TRHDE: variants seen among roughly 807,000 people sequenced by gnomAD.
TRHDE encodes thyrotropin releasing hormone degrading enzyme, also known as thyrotropin-releasing hormone-degrading ectoenzyme.
TRHDE carries 72 observed loss-of-function variants against 125.7 expected under a neutral mutation model. The ratio of observed to expected loss-of-function variants is 0.57; its 90% CI spans 0.47 to 0.70. TRHDE has a LOEUF of 0.70. Among genes scored for constraint, TRHDE ranks in the 30% least tolerant of loss-of-function variants. TRHDE has a pLI of 0.00. For missense variants in TRHDE, 1,110 were observed against 1,327.1 expected (o/e 0.84, Z 2.54); for synonymous variants, 509 against 509.1 (o/e 1.00, Z 0.00).
At chr12:72,166,627 G>T (rs775001944) in intron 2 of TRHDE, among the ~76,000 whole-genome samples, 4 of 152,246 alleles carry the variant, frequency 2.6e-5, no homozygotes, top group Non-Finnish European at 5.9e-5. Flanking sequence ...GGCTTGTGCA[G>T]GTTCCTCTGA....
intron 2 of TRHDE, among the ~76,000 whole-genome samples, chr12:72,145,082 T>A (rs1463011324): frequency 6.6e-6 from 1 of 152,132 alleles, no homozygotes; most frequent in East Asian, 1.9e-4. Flanking sequence ...AGAGAAGCCA[T>A]CACCCTAGCT....
chr12:72,411,045 A>G (rs377095083), intron 3 of TRHDE, among the ~76,000 whole-genome samples: 1 of 151,928 alleles, frequency 6.6e-6, no homozygotes, highest in South Asian at 2.1e-4. Flanking sequence ...ACAAAAAAAT[A>G]CAAAAAAATT....
chr12:72,500,912 T>G (rs1442175809), intron 6 of TRHDE, among the ~76,000 whole-genome samples: 1 of 149,808 alleles, frequency 6.7e-6, no homozygotes, highest in Non-Finnish European at 1.5e-5. Context: ...TAAGAATGAG[T>G]TTGTAAACTC....
chr12:72,253,830 T>C (rs1204575818), intron 2 of TRHDE: 1 of 152,070 alleles, frequency 6.6e-6, no homozygotes, highest in Non-Finnish European at 1.5e-5. Flanking sequence ...TTCCTCCTCA[T>C]CCTGTTAATT....
At chr12:72,599,540 T>G (rs1195927727) in intron 12 of TRHDE, among the ~76,000 whole-genome samples, 1 of 152,154 alleles carries the variant, frequency 6.6e-6, no homozygotes, top group Non-Finnish European at 1.5e-5. Context: ...TCTGTTTATG[T>G]CCTTTGCCCA....
In TRHDE at chr12:72,273,841, C is replaced by T. The variant is rs1044632032; in HGVS notation, c.914+284C>T. 2 of 387,562 alleles carry T rather than the reference C, an allele frequency of 5.2e-6. No homozygotes were observed. Among genetic ancestry groups the T allele is most frequent in the Non-Finnish European group, 9.3e-6 (2 of 215,376 alleles). The allele number at this position is 387,562 out of a possible 1,614,324, so 24.0% of individuals were successfully genotyped here. On this transcript the variant is annotated intron_variant, in intron 1 of 18. Coordinates refer to ENST00000261180, the MANE Select transcript of TRHDE (RefSeq NM_013381.3). The surrounding 1 kb of genome is among the most constrained non-coding windows in gnomAD (Gnocchi z 5.3). Reference sequence around the variant, plus strand: ...CCTCTTCCTGTCAGAGTTCCTTAGCCATCGAAACGCAGGGCTCTTTTTCTG... The same window carrying T: ...CCTCTTCCTGTCAGAGTTCCTTAGCTATCGAAACGCAGGGCTCTTTTTCTG...
chr12:72,468,407 C>A (rs1181369214), intron 3 of TRHDE, among the ~76,000 whole-genome samples: 2 of 152,174 alleles, frequency 1.3e-5, no homozygotes, highest in African/African-American at 4.8e-5. Flanking sequence ...CTTAAAAGCA[C>A]TTAATTTTCT....
intron 2 of TRHDE, among the ~76,000 whole-genome samples, chr12:72,328,298 A>G (rs902033826): frequency 6.6e-6 from 1 of 152,228 alleles, no homozygotes; most frequent in Non-Finnish European, 1.5e-5. Context: ...TTACAGACAC[A>G]TTGTAAGTAA....
At chr12:72,094,890 A>G (rs749732354) in intron 1 of TRHDE, among the ~76,000 whole-genome samples, 2 of 152,196 alleles carry the variant, frequency 1.3e-5, no homozygotes, top group Non-Finnish European at 2.9e-5. Flanking sequence ...AACTTCCTAC[A>G]TGAATCCCAA....
At chr12:72,484,430 G>A (rs1314515119) in intron 5 of TRHDE, among the ~76,000 whole-genome samples, 1 of 152,220 alleles carries the variant, frequency 6.6e-6, no homozygotes, top group East Asian at 1.9e-4. Context: ...GAATGGGAAT[G>A]TTCATGTTAA....
At chr12:72,627,220 A>C (rs964224880) in intron 15 of TRHDE, among the ~76,000 whole-genome samples, 2 of 151,866 alleles carry the variant, frequency 1.3e-5, no homozygotes, top group African/African-American at 4.8e-5. Context: ...ATTGCCCCCA[A>C]ATTTCCAGTG....
chr12:72,452,594 T>C (rs903171049), intron 3 of TRHDE, among the ~76,000 whole-genome samples: 1 of 152,082 alleles, frequency 6.6e-6, no homozygotes, highest in East Asian at 1.9e-4. Flanking sequence ...ATGGATAATA[T>C]AGTTTGGATG....
At chr12:72,624,538 A>G (rs150448250) in intron 15 of TRHDE, among the ~76,000 whole-genome samples, 251 of 152,088 alleles carry the variant, frequency 1.7e-3, no homozygotes, top group African/African-American at 5.8e-3. Flanking sequence ...AATCAGTGAC[A>G]TCAGAATCAC....
At chr12:72,382,804 A>G (rs564426934) in intron 3 of TRHDE, among the ~76,000 whole-genome samples, 48 of 152,294 alleles carry the variant, frequency 3.2e-4, no homozygotes, top group African/African-American at 9.6e-4. Flanking sequence ...CATAAACTCT[A>G]CAATACCTTC....
chr12:72,522,861 T>C (rs1868271931), intron 6 of TRHDE, among the ~76,000 whole-genome samples: 1 of 152,114 alleles, frequency 6.6e-6, no homozygotes, highest in South Asian at 2.1e-4. Context: ...GTAATGAACA[T>C]ACCTGCCTCT....
intron 2 of TRHDE, among the ~76,000 whole-genome samples, chr12:72,344,663 C>A (rs995773549): frequency 5.3e-5 from 8 of 151,990 alleles, no homozygotes; most frequent in Non-Finnish European, 1.2e-4. Flanking sequence ...TGTTGGTGTG[C>A]AAAAGAAAAT....
chr12:72,128,870 G>C (rs897338626), intron 2 of TRHDE, among the ~76,000 whole-genome samples: 2 of 152,090 alleles, frequency 1.3e-5, no homozygotes, highest in African/African-American at 4.8e-5. Context: ...GGAACATTTG[G>C]AGAAATAGTG....
chr12:72,141,743 TAGA>T (rs1876115966), intron 2 of TRHDE, among the ~76,000 whole-genome samples: 1 of 152,332 alleles, frequency 6.6e-6, no homozygotes, highest in South Asian at 2.1e-4. Flanking sequence ...GGTAGTACAG[TAGA>T]AGGAGGTTCT....
chr12:72,578,345 A>C (rs1871094574), intron 12 of TRHDE, among the ~76,000 whole-genome samples: 1 of 152,118 alleles, frequency 6.6e-6, no homozygotes. Context: ...TTCAACCCCA[A>C]AGAGTGACAC....
Sources: gnomAD v4.1 joint callset for allele counts (sites outside exome capture counted in the v4.1 genomes callset) on GRCh38, gnomAD v4.1.1 for gene constraint, Gnocchi (gnomAD v3.1) non-coding constraint, MANE v1.5 for transcripts, NCBI Gene and HGNC (gene_info 2026-07-23, HGNC 2026-07-21) for gene names.